Variants in PSMA3 observed in about 807,000 individuals in gnomAD.
PSMA3 encodes the protein proteasome subunit alpha type-3.
A neutral mutation model predicts 40.0 loss-of-function variants in PSMA3; 8 were observed. The ratio of observed to expected loss-of-function variants is 0.20; its 90% confidence interval spans 0.12 to 0.36. The LOEUF is 0.36. PSMA3 is among the 10% of genes least tolerant of loss of function. The pLI is 1.00. For synonymous variants in PSMA3, 110 were observed against 100.0 expected (o/e 1.10, Z -0.59); for missense variants, 219 against 310.6 (o/e 0.70, Z 2.22).
chr14:58,248,556 T>C (rs1191024709), intron 2 of PSMA3, among the ~76,000 whole-genome samples: 1 of 152,226 alleles, frequency 6.6e-6, no homozygotes, highest in African/African-American at 2.4e-5. Context: ...CGTGAGTCAC[T>C]GTGGCCAGCC....
chr14:58,260,984 G>A lies in PSMA3; in HGVS notation c.441G>A (p.Ala147=), dbSNP rs374534971. ...GGTCTTACAGTGTGAATGACGGTGC[G>A]CAACTCTACATGATTGACCCATCAG... ...MLGSYSVNDG[A]QLYMIDPSGV... The change falls in exon 6 of 11, where the codon GCG becomes GCA. Residue 147 remains alanine, a synonymous_variant. Transcript: ENST00000216455. The A allele has an allele frequency of 4.5e-5, 72 of 1,612,188 alleles. No individual in the cohort carries two copies. Among genetic ancestry groups the A allele is most frequent in the Middle Eastern group, 1.7e-4 (1 of 6,054 alleles).
At chr14:58,269,405 T>TA (rs1344208170) in intron 8 of PSMA3, among the ~76,000 whole-genome samples, 1 of 152,078 alleles carries the variant, frequency 6.6e-6, no homozygotes, top group East Asian at 1.9e-4. Context: ...AAGAGACCAC[T>TA]AATAATTGCA....
At chr14:58,271,448 G>C (rs1332735595) in intron 10 of PSMA3, among the ~76,000 whole-genome samples, 1 of 145,926 alleles carries the variant, frequency 6.9e-6, no homozygotes. Flanking sequence ...TCCTGCCTCC[G>C]CCTCCCAAGT....
chr14:58,268,322 A>C (rs747003233), intron 8 of PSMA3, among the ~76,000 whole-genome samples: 3 of 152,204 alleles, frequency 2.0e-5, no homozygotes, highest in South Asian at 4.1e-4. Flanking sequence ...AGGTCTAGTC[A>C]ATCACCTGTC....
At chr14:58,245,481 C>T (rs1178730126) in intron 1 of PSMA3, 2 of 152,854 alleles carry the variant, frequency 1.3e-5, no homozygotes, top group Admixed American at 1.3e-4. Flanking sequence ...GAAAAACAAT[C>T]TGATGAATCC....
At chr14:58,271,064 T>G (rs1424763789) in intron 10 of PSMA3, 66 bp downstream of exon 10, 1 of 1,256,308 alleles carries the variant, frequency 8.0e-7, no homozygotes, top group Admixed American at 2.0e-5. Flanking sequence ...CCCAGGAGTT[T>G]GAGACCAGCC....
intron 1 of PSMA3, 190 bp downstream of exon 1, chr14:58,245,131 G>T (rs997720724): frequency 9.0e-6 from 6 of 664,450 alleles, no homozygotes; most frequent in African/African-American, 1.8e-5. Flanking sequence ...TCAGGTGACC[G>T]TGACTCCTGA....
At chr14:58,247,918 A>G (rs986772374) in intron 2 of PSMA3, 86 bp downstream of exon 2, 107 of 821,826 alleles carry the variant, frequency 1.3e-4, no homozygotes, top group Non-Finnish European at 1.9e-4. Flanking sequence ...ACTTTGGTAC[A>G]AATTAGTATA....
At chr14:58,245,987 T>C (rs924490784) in intron 1 of PSMA3, among the ~76,000 whole-genome samples, 2 of 152,246 alleles carry the variant, frequency 1.3e-5, no homozygotes, top group African/African-American at 4.8e-5. Context: ...ATTATATTAA[T>C]ATTACCTTGA....
At position 58,259,591 on chromosome 14, in the gene PSMA3, G is replaced by A. The variant is rs547605604; in HGVS notation, c.405-1357G>A. On this transcript the variant is annotated intron_variant, in intron 5 of 10. Transcript: ENST00000216455. ...CTCCCAAAGTGCTGGGATTACAGGC[G>A]TGAGCCACCGCACTGGGCCAGAGAG... Among the ~76,000 whole-genome samples the A allele has an allele frequency of 2.0e-4, 30 of 152,308 alleles. No homozygotes were observed. In the South Asian group the frequency reaches 3.7e-3, roughly 19 times the overall value.
In PSMA3 at chr14:58,271,956, C is replaced by A; in HGVS notation, c.*61C>A. On this transcript the variant is annotated 3_prime_UTR_variant, in exon 11 of 11. Coordinates refer to ENST00000216455, the MANE Select transcript of PSMA3 (RefSeq NM_002788.4). ...ACTCCAGTCCAATGTAACTATTTAGCCCTGGATTATACATACTGTCCAATT... is the reference window on the plus strand; with the variant it reads ...ACTCCAGTCCAATGTAACTATTTAGACCTGGATTATACATACTGTCCAATT... 1 of 1,265,430 alleles carries A rather than the reference C, an allele frequency of 7.9e-7. No individual in the cohort carries two copies. Among genetic ancestry groups the A allele is most frequent in the Non-Finnish European group, 1.1e-6 (1 of 873,078 alleles). The allele number at this position is 1,265,430 out of a possible 1,614,324, so 78.4% of individuals were successfully genotyped here.
intron 1 of PSMA3, 87 bp from the exon 2 acceptor site, chr14:58,247,663 C>T (rs1207379777): frequency 2.4e-6 from 2 of 848,946 alleles, no homozygotes; most frequent in African/African-American, 1.7e-5. Context: ...TAACAGGTTC[C>T]TGATGTTTCA....
At chr14:58,249,835 T>C (rs1484105498) in intron 2 of PSMA3, among the ~76,000 whole-genome samples, 4 of 152,218 alleles carry the variant, frequency 2.6e-5, no homozygotes, top group African/African-American at 9.6e-5. Context: ...GAAAATAATT[T>C]TGACCTCGAA....
chr14:58,270,810 C>CA (rs1566646241), intron 9 of PSMA3, 124 bp from the exon 10 acceptor site: 1 of 864,640 alleles, frequency 1.2e-6, no homozygotes, highest in Non-Finnish European at 1.8e-6. Flanking sequence ...GAGTATTACT[C>CA]ATAGTACAAC....
chr14:58,263,490 C>A (rs1225191189), intron 6 of PSMA3: 2 of 399,188 alleles, frequency 5.0e-6, no homozygotes, highest in African/African-American at 2.1e-5. Context: ...TTTGGATATA[C>A]CTTTATTAAA....
At chr14:58,252,274 C>T (rs1303247243) in intron 3 of PSMA3, 32 bp downstream of exon 3, 1 of 1,593,050 alleles carries the variant, frequency 6.3e-7, no homozygotes, top group East Asian at 2.2e-5. Flanking sequence ...TCCTTTTTGT[C>T]TTGTCCAATT....
intron 7 of PSMA3, chr14:58,264,635 CTTAT>C (rs1359040280): frequency 6.6e-6 from 1 of 152,188 alleles, no homozygotes; most frequent in Non-Finnish European, 1.5e-5. Flanking sequence ...ACTCATTCAA[CTTAT>C]TTAAGACCAG....
In PSMA3 at chr14:58,260,933, T is replaced by C. The variant is rs1189212499; in HGVS notation, c.405-15T>C. 1.3e-6 allele frequency: 2 copies of C among 1,588,324 alleles called. No individual in the cohort carries two copies. Among genetic ancestry groups the C allele is most frequent in the South Asian group, 2.3e-5 (2 of 88,362 alleles). ...TTATTGCCATGGTTTAAGCTGTTTGTATACTTTCATGCAGTTTCATGTTAG... is the reference window on the plus strand; with the variant it reads ...TTATTGCCATGGTTTAAGCTGTTTGCATACTTTCATGCAGTTTCATGTTAG... On this transcript the variant is annotated splice_polypyrimidine_tract_variant and intron_variant, in intron 5 of 10. Transcript: ENST00000216455.
At chr14:58,253,625 A>G (rs1323493004) in intron 3 of PSMA3, among the ~76,000 whole-genome samples, 1 of 151,840 alleles carries the variant, frequency 6.6e-6, no homozygotes, top group Non-Finnish European at 1.5e-5. Context: ...ATGGAGTCTC[A>G]CTCTGTCATC....
Sources: gnomAD v4.1 joint callset for allele counts (sites outside exome capture counted in the v4.1 genomes callset) on GRCh38, gnomAD v4.1.1 for gene constraint, MANE v1.5 for transcripts, NCBI Gene and HGNC (gene_info 2026-07-23, HGNC 2026-07-21) for gene names.